Variants in BACH2 observed in about 807,000 individuals in gnomAD.
BACH2 encodes transcription regulator protein BACH2.
In BACH2, 5 loss-of-function variants were observed where a neutral mutation model predicts 61.8. The observed-to-expected ratio is 0.08, with a 90% CI of 0.04 to 0.17. The LOEUF is 0.17. BACH2 is among the 10% of genes least tolerant of loss of function. The probability of loss-of-function intolerance (pLI) is 1.00; values close to 1 mark genes in which losing one functional copy is unlikely to be tolerated. For synonymous variants in BACH2, 446 were observed against 440.1 expected (o/e 1.01, Z -0.17); for missense variants, 824 against 1,091.1 (o/e 0.76, Z 3.45).
At chr6:90,099,314 A>T (rs772495154) in intron 4 of BACH2, among the ~76,000 whole-genome samples, 2 of 152,230 alleles carry the variant, frequency 1.3e-5, no homozygotes, top group Non-Finnish European at 2.9e-5. Context: ...ACTTTGGCCA[A>T]GCAATTTGAA....
chr6:89,977,988 C>T (rs1444155238), intron 6 of BACH2, among the ~76,000 whole-genome samples: 2 of 152,168 alleles, frequency 1.3e-5, no homozygotes, highest in East Asian at 3.8e-4. Flanking sequence ...TACTCTACAC[C>T]ATATGTAATC....
chr6:90,211,760 A>G (rs1429654101), intron 3 of BACH2, among the ~76,000 whole-genome samples: 1 of 152,140 alleles, frequency 6.6e-6, no homozygotes, highest in African/African-American at 2.4e-5. Flanking sequence ...CTTCAGTAAT[A>G]TATGTCAAAG....
intron 4 of BACH2, among the ~76,000 whole-genome samples, chr6:90,145,487 T>G (rs1056972867): frequency 6.6e-6 from 1 of 152,214 alleles, no homozygotes; most frequent in Admixed American, 6.5e-5. Flanking sequence ...TAGTACATAG[T>G]CAGCTTTTTA....
intron 1 of BACH2, among the ~76,000 whole-genome samples, chr6:90,295,643 C>G (rs2127896461): frequency 6.9e-6 from 1 of 144,214 alleles, no homozygotes; most frequent in East Asian, 2.1e-4. Context: ...GGCTTGGAGA[C>G]TGGAGTGTAG....
intron 5 of BACH2, among the ~76,000 whole-genome samples, chr6:90,084,055 G>A (rs1003429790): frequency 1.3e-5 from 2 of 150,220 alleles, no homozygotes; most frequent in African/African-American, 4.9e-5. Context: ...TTTCTTCATC[G>A]CTGAAAAAGG....
intron 5 of BACH2, among the ~76,000 whole-genome samples, chr6:90,017,962 G>A (rs1050766254): frequency 6.6e-6 from 1 of 152,144 alleles, no homozygotes; most frequent in Non-Finnish European, 1.5e-5. Context: ...TGAGTTACCT[G>A]GAAGCAGTTT....
At chr6:90,199,860 G>A (rs903400271) in intron 4 of BACH2, among the ~76,000 whole-genome samples, 12 of 152,172 alleles carry the variant, frequency 7.9e-5, no homozygotes, top group Non-Finnish European at 1.6e-4. Context: ...AATGTCCAAG[G>A]GCACTCACTG....
intron 3 of BACH2, among the ~76,000 whole-genome samples, chr6:90,236,452 G>T (rs1041866645): frequency 6.6e-6 from 1 of 152,192 alleles, no homozygotes; most frequent in African/African-American, 2.4e-5. Flanking sequence ...AGAGTAGACT[G>T]GAAAGATACA....
At chr6:90,199,147 C>G (rs959120189) in intron 4 of BACH2, among the ~76,000 whole-genome samples, 1 of 152,154 alleles carries the variant, frequency 6.6e-6, no homozygotes. Context: ...AGTGTGAGAA[C>G]AAGCTAATGC....
At chr6:90,065,372 G>A (rs1200241897) in intron 5 of BACH2, among the ~76,000 whole-genome samples, 3 of 143,254 alleles carry the variant, frequency 2.1e-5, no homozygotes, top group Admixed American at 7.4e-5. Context: ...GAACAGAGAT[G>A]AGTCATCCCA....
chr6:90,288,336 C>T (rs1284889328), intron 1 of BACH2, among the ~76,000 whole-genome samples: 4 of 152,054 alleles, frequency 2.6e-5, no homozygotes, highest in Non-Finnish European at 5.9e-5. Context: ...TCACTTAAAA[C>T]CTCCAACACT....
At chr6:90,017,174 T>G (rs757684100) in intron 5 of BACH2, among the ~76,000 whole-genome samples, 5 of 152,132 alleles carry the variant, frequency 3.3e-5, no homozygotes, top group African/African-American at 9.7e-5. Context: ...GTCCCGTCGC[T>G]CACAAATGCC....
Position 89,950,004 on chromosome 6 carries a change from C to A in BACH2, c.1836+266G>T. The stretch of plus-strand genomic sequence containing the variant: ...GCCTCAGTGTACTTCATGCATTAGA[C>A]TTCAGTATATTTTTACTCAGCAGCT... On this transcript the variant is annotated intron_variant, in intron 7 of 8. Coordinates refer to ENST00000257749, the MANE Select transcript of BACH2 (RefSeq NM_021813.4). This position sits in a 1 kb window ranked among gnomAD's most constrained non-coding sequence, Gnocchi z 5.3. 2.0e-6 allele frequency: 1 copy of A among 504,236 alleles called. No homozygotes were observed. Among genetic ancestry groups the A allele is most frequent in the Non-Finnish European group, 3.6e-6 (1 of 276,362 alleles). 31.2% of individuals were successfully genotyped at this position (504,236 alleles called of 1,614,324 possible).
chr6:90,084,389 T>TGG lies in BACH2; in HGVS notation c.-13+4570_-13+4571dup, dbSNP rs546931243. Among the ~76,000 whole-genome samples, 3 of 151,714 alleles carry TGG rather than the reference T, an allele frequency of 2.0e-5. No individual in the cohort carries two copies. In the South Asian group the frequency reaches 6.3e-4, roughly 32 times the overall value. ...CTAAAAATTCTGGTCTATGAACTCA[T>TGG]GGGGGGGGAATTTATTTTGATTAGA... On this transcript the variant is annotated intron_variant, in intron 5 of 8. Transcript: ENST00000257749.
intron 4 of BACH2, among the ~76,000 whole-genome samples, chr6:90,153,148 A>G (rs1204197313): frequency 6.6e-6 from 1 of 152,208 alleles, no homozygotes; most frequent in Non-Finnish European, 1.5e-5. Context: ...TGGTTCTAAT[A>G]TTCTGTGAAA....
At chr6:90,286,993 A>G (rs1019242749) in intron 1 of BACH2, among the ~76,000 whole-genome samples, 14 of 152,180 alleles carry the variant, frequency 9.2e-5, no homozygotes, top group African/African-American at 3.4e-4. Flanking sequence ...CCCGCTAGAC[A>G]GTGTGTTCCC....
intron 4 of BACH2, among the ~76,000 whole-genome samples, chr6:90,118,623 A>G (rs1347083011): frequency 2.0e-5 from 3 of 152,222 alleles, no homozygotes; most frequent in Non-Finnish European, 4.4e-5. Flanking sequence ...TGTCTCAGTA[A>G]TTCAAGAGAC....
At chr6:90,143,262 A>G (rs1784520180) in intron 4 of BACH2, among the ~76,000 whole-genome samples, 1 of 152,168 alleles carries the variant, frequency 6.6e-6, no homozygotes, top group South Asian at 2.1e-4. Context: ...GAGATGGTAC[A>G]ATGAAGGAAA....
intron 6 of BACH2, among the ~76,000 whole-genome samples, chr6:89,976,709 A>G (rs2128362180): frequency 6.6e-6 from 1 of 152,334 alleles, no homozygotes; most frequent in Non-Finnish European, 1.5e-5. Flanking sequence ...CCTAGCAGGA[A>G]ATCATGGGTT....
Sources: allele counts gnomAD v4.1 joint callset (sites outside exome capture counted in the v4.1 genomes callset), GRCh38; gene constraint gnomAD v4.1.1; non-coding constraint Gnocchi (gnomAD v3.1); transcripts MANE v1.5; gene names NCBI Gene and HGNC (gene_info 2026-07-23, HGNC 2026-07-21).